DCC: variants seen among roughly 807,000 people sequenced by gnomAD.
The protein encoded by DCC is DCC netrin 1 receptor, also known as netrin receptor DCC.
In DCC, 58 loss-of-function variants were observed where a neutral mutation model predicts 172.5. The observed-to-expected ratio is 0.34, with a 90% confidence interval of 0.27 to 0.42. The LOEUF (loss-of-function observed/expected upper bound fraction) is 0.42, where lower values mean the gene tolerates loss of function less well. DCC is among the 10% of genes least tolerant of loss of function. The pLI is 1.00. For missense variants in DCC, 1,740 were observed against 1,791.0 expected (o/e 0.97, Z 0.51); for synonymous variants, 709 against 644.5 (o/e 1.10, Z -1.52).
chr18:53,333,820 T>C (rs1165927835), intron 14 of DCC, among the ~76,000 whole-genome samples: 1 of 152,210 alleles, frequency 6.6e-6, no homozygotes, highest in African/African-American at 2.4e-5. Context: ...ATACCACATA[T>C]ATGCTGATGG....
At chr18:53,352,597 T>G (rs1275232875) in intron 15 of DCC, among the ~76,000 whole-genome samples, 2 of 152,200 alleles carry the variant, frequency 1.3e-5, no homozygotes, top group African/African-American at 2.4e-5. Context: ...TATTTTACTT[T>G]AAAACTATGT....
At chr18:53,207,961 T>C in intron 11 of DCC, 144 bp downstream of exon 11, 1 of 750,910 alleles carries the variant, frequency 1.3e-6, no homozygotes. Context: ...ATGTAAACTT[T>C]CTATCAAGAT....
At chr18:53,360,553 G>T (rs1480916652) in intron 15 of DCC, among the ~76,000 whole-genome samples, 1 of 151,968 alleles carries the variant, frequency 6.6e-6, no homozygotes, top group Non-Finnish European at 1.5e-5. Context: ...AAAAAAAGTG[G>T]CCATACAGTT....
At chr18:52,837,103 G>A (rs902071231) in intron 2 of DCC, among the ~76,000 whole-genome samples, 1 of 152,172 alleles carries the variant, frequency 6.6e-6, no homozygotes, top group Non-Finnish European at 1.5e-5. Flanking sequence ...GAGTGTCTGG[G>A]AAACAGGGCA....
At chr18:52,427,440 G>T (rs1987466580) in intron 1 of DCC, among the ~76,000 whole-genome samples, 1 of 151,356 alleles carries the variant, frequency 6.6e-6, no homozygotes. Context: ...AGAGAAAAAA[G>T]AAAGTTGAAA....
intron 7 of DCC, among the ~76,000 whole-genome samples, chr18:53,091,863 A>AATC (rs1361988339): frequency 1.2e-4 from 14 of 113,918 alleles, no homozygotes; most frequent in African/African-American, 3.9e-4. Flanking sequence ...ATCTATCTAT[A>AATC]TATATATATA....
chr18:53,334,704 T>A (rs536046286), intron 14 of DCC, among the ~76,000 whole-genome samples: 1 of 152,364 alleles, frequency 6.6e-6, no homozygotes, highest in African/African-American at 2.4e-5. Flanking sequence ...GATTGGCCTA[T>A]TTCATTTACC....
chr18:52,740,144 CAGAAATTCCCTTACAGT>C (rs2036796525), intron 1 of DCC, among the ~76,000 whole-genome samples: 2 of 152,152 alleles, frequency 1.3e-5, no homozygotes, highest in African/African-American at 4.8e-5. Context: ...ATATAGACGC[CAGAAATTCCCTTACAGT>C]TCTGACCTTC....
chr18:52,908,746 G>C (rs998813804), intron 3 of DCC, among the ~76,000 whole-genome samples: 1 of 152,224 alleles, frequency 6.6e-6, no homozygotes, highest in Non-Finnish European at 1.5e-5. Flanking sequence ...CTAAAATAGA[G>C]AACATGTTGT....
chr18:52,404,552 C>A (rs968633979), intron 1 of DCC, among the ~76,000 whole-genome samples: 1 of 149,886 alleles, frequency 6.7e-6, no homozygotes. Flanking sequence ...AACCTGTATG[C>A]AGAAATACGA....
intron 5 of DCC, among the ~76,000 whole-genome samples, chr18:53,028,557 TATTCTA>T (rs1392927408): frequency 6.6e-6 from 1 of 152,224 alleles, no homozygotes; most frequent in African/African-American, 2.4e-5. Flanking sequence ...CTTAAATCAT[TATTCTA>T]ATTCAGGCTA....
intron 13 of DCC, among the ~76,000 whole-genome samples, chr18:53,307,893 G>GTGTATATA (rs1327232235): frequency 1.0e-5 from 1 of 97,580 alleles, no homozygotes; most frequent in Non-Finnish European, 1.8e-5. Flanking sequence ...CAATGTGTGT[G>GTGTATATA]TATGTATATA....
chr18:52,798,755 A>C (rs113678118), intron 2 of DCC, among the ~76,000 whole-genome samples: 6,423 of 39,848 alleles, frequency 0.16, 212 homozygotes, highest in South Asian at 0.46. Context: ...GAAGTTTTGT[A>C]TCTTTTTTTT....
At chr18:53,465,046 T>C (rs1024619411) in intron 24 of DCC, among the ~76,000 whole-genome samples, 1 of 151,462 alleles carries the variant, frequency 6.6e-6, no homozygotes, top group Non-Finnish European at 1.5e-5. Context: ...CTAGAGTTAC[T>C]TTTTTGGAGT....
intron 9 of DCC, among the ~76,000 whole-genome samples, chr18:53,197,631 G>A (rs533532203): frequency 3.3e-5 from 5 of 151,974 alleles, no homozygotes; most frequent in African/African-American, 1.2e-4. Context: ...TTCAGTATTA[G>A]GAAGATAGTG....
chr18:52,601,880 G>A (rs1216181753), intron 1 of DCC, among the ~76,000 whole-genome samples: 1 of 151,856 alleles, frequency 6.6e-6, no homozygotes, highest in Non-Finnish European at 1.5e-5. Flanking sequence ...ATAGTCACTG[G>A]GCACATTTTT....
chr18:52,427,792 AAACT>A (rs1445226286), intron 1 of DCC, among the ~76,000 whole-genome samples: 5 of 139,758 alleles, frequency 3.6e-5, no homozygotes, highest in Admixed American at 1.4e-4. Flanking sequence ...AGAATGAGGT[AAACT>A]AACTTTCTTT....
intron 12 of DCC, among the ~76,000 whole-genome samples, chr18:53,246,049 G>T (rs888027669): frequency 3.3e-5 from 5 of 151,940 alleles, no homozygotes; most frequent in African/African-American, 1.2e-4. Context: ...CACACTTACG[G>T]TATTGAATAG....
At chr18:53,502,553 A>G (rs1372610509) in intron 27 of DCC, among the ~76,000 whole-genome samples, 1 of 152,200 alleles carries the variant, frequency 6.6e-6, no homozygotes, top group Non-Finnish European at 1.5e-5. Flanking sequence ...ACAAGTTTTG[A>G]TTCTAAGAAA....
Sources: gnomAD v4.1 joint callset for allele counts (sites outside exome capture counted in the v4.1 genomes callset) on GRCh38, gnomAD v4.1.1 for gene constraint, MANE v1.5 for transcripts, NCBI Gene and HGNC (gene_info 2026-07-23, HGNC 2026-07-21) for gene names.